CNTN5: variants seen among roughly 807,000 people sequenced by gnomAD.
CNTN5 encodes the protein contactin-5.
Under a neutral mutation model 129.1 loss-of-function variants are expected in CNTN5, and 77 were observed. That is an observed-to-expected ratio of 0.60 (90% confidence interval 0.50 to 0.72). The LOEUF (loss-of-function observed/expected upper bound fraction) is 0.72. CNTN5 is among the 30% of genes least tolerant of loss of function. The pLI is 0.00. For missense variants in CNTN5, 1,478 were observed against 1,328.8 expected (o/e 1.11, Z -1.75); for synonymous variants, 509 against 465.6 (o/e 1.09, Z -1.20).
intron 3 of CNTN5, among the ~76,000 whole-genome samples, chr11:99,680,251 G>A (rs1953492224): frequency 6.6e-6 from 1 of 152,130 alleles, no homozygotes; most frequent in African/African-American, 2.4e-5. Context: ...AGAAGAAGAT[G>A]CCATCTGGGA....
intron 1 of CNTN5, among the ~76,000 whole-genome samples, chr11:99,057,920 TAAAC>T (rs1490720980): frequency 3.3e-5 from 5 of 151,938 alleles, no homozygotes; most frequent in African/African-American, 1.2e-4. Flanking sequence ...AGGTTGTATT[TAAAC>T]AGACAGTGAG....
At chr11:99,174,296 C>T (rs1427784988) in intron 1 of CNTN5, among the ~76,000 whole-genome samples, 5 of 152,062 alleles carry the variant, frequency 3.3e-5, no homozygotes, top group African/African-American at 7.2e-5. Context: ...CTACGCCCAG[C>T]GAGAATGACT....
chr11:99,074,505 T>C (rs1198143617), intron 1 of CNTN5, among the ~76,000 whole-genome samples: 4 of 152,210 alleles, frequency 2.6e-5, no homozygotes, highest in Non-Finnish European at 4.4e-5. Flanking sequence ...AATATTTTTA[T>C]CTTTTTATTT....
At chr11:100,074,322 C>A (rs201964562) in intron 13 of CNTN5, 28 bp downstream of exon 13, 3 of 1,544,942 alleles carry the variant, frequency 1.9e-6, no homozygotes, top group Non-Finnish European at 2.6e-6. Flanking sequence ...AATTCAAGTT[C>A]AACATTAGAC....
chr11:99,610,966 C>G (rs1451661585), intron 3 of CNTN5, among the ~76,000 whole-genome samples: 2 of 152,116 alleles, frequency 1.3e-5, no homozygotes, highest in Admixed American at 1.3e-4. Context: ...GCGTGCACAC[C>G]AAAGCAAATC....
At chr11:99,961,622 C>T (rs1305406159) in intron 8 of CNTN5, among the ~76,000 whole-genome samples, 4 of 152,192 alleles carry the variant, frequency 2.6e-5, no homozygotes, top group East Asian at 1.9e-4. Flanking sequence ...GAAGACATAA[C>T]ACACTGAACA....
chr11:100,007,012 A>G (rs968335003), intron 9 of CNTN5, among the ~76,000 whole-genome samples: 11 of 152,088 alleles, frequency 7.2e-5, no homozygotes, highest in African/African-American at 2.7e-4. Context: ...GGGTAATGAG[A>G]TGCATTGTCA....
chr11:99,769,382 A>T (rs1944866801), intron 3 of CNTN5, among the ~76,000 whole-genome samples: 1 of 152,172 alleles, frequency 6.6e-6, no homozygotes, highest in East Asian at 1.9e-4. Context: ...AAAACTAGGG[A>T]ATACATAATC....
intron 1 of CNTN5, among the ~76,000 whole-genome samples, chr11:99,124,950 T>C (rs192667559): frequency 1.1e-4 from 16 of 151,644 alleles, no homozygotes; most frequent in Admixed American, 9.2e-4. Flanking sequence ...CAGTAATGAG[T>C]TCCAAAATTG....
chr11:99,408,910 T>G (rs900530387), intron 2 of CNTN5, among the ~76,000 whole-genome samples: 1 of 152,208 alleles, frequency 6.6e-6, no homozygotes, highest in African/African-American at 2.4e-5. Flanking sequence ...AAGATCATTT[T>G]AAATCATGTA....
intron 3 of CNTN5, among the ~76,000 whole-genome samples, chr11:99,794,672 T>C (rs2135452168): frequency 6.6e-6 from 1 of 152,304 alleles, no homozygotes; most frequent in African/African-American, 2.4e-5. Flanking sequence ...ATTTTTCCTT[T>C]GTTTATGATG....
chr11:99,719,435 G>A (rs960880310), intron 3 of CNTN5, among the ~76,000 whole-genome samples: 1 of 152,024 alleles, frequency 6.6e-6, no homozygotes, highest in Non-Finnish European at 1.5e-5. Flanking sequence ...GGAGTAAAAT[G>A]TATGCAAATT....
intron 2 of CNTN5, among the ~76,000 whole-genome samples, chr11:99,337,908 T>C (rs1033057412): frequency 6.6e-6 from 1 of 152,174 alleles, no homozygotes; most frequent in African/African-American, 2.4e-5. Context: ...CTAAATGTTG[T>C]TTTCTTTACT....
chr11:99,754,694 C>G (rs1173644434), intron 3 of CNTN5, among the ~76,000 whole-genome samples: 1 of 152,130 alleles, frequency 6.6e-6, no homozygotes, highest in Admixed American at 6.6e-5. Context: ...CACACAGAGC[C>G]TCCCTATCAT....
At chr11:100,175,435 A>T (rs2138425847) in intron 13 of CNTN5, among the ~76,000 whole-genome samples, 1 of 152,242 alleles carries the variant, frequency 6.6e-6, no homozygotes, top group African/African-American at 2.4e-5. Context: ...TTTTAACAAA[A>T]AAGGAATTTA....
chr11:100,144,381 C>T (rs1227713632), intron 13 of CNTN5, among the ~76,000 whole-genome samples: 1 of 152,090 alleles, frequency 6.6e-6, no homozygotes, highest in Non-Finnish European at 1.5e-5. Flanking sequence ...TGCTTTCCTT[C>T]CACTTTTTGG....
chr11:100,021,021 G>A (rs1380325856), intron 9 of CNTN5, among the ~76,000 whole-genome samples: 1 of 152,026 alleles, frequency 6.6e-6, no homozygotes, highest in African/African-American at 2.4e-5. Flanking sequence ...ATTCAATGCA[G>A]TCCCTATCAA....
intron 3 of CNTN5, among the ~76,000 whole-genome samples, chr11:99,785,984 T>A (rs1945506887): frequency 6.6e-6 from 1 of 151,990 alleles, no homozygotes; most frequent in Admixed American, 6.6e-5. Context: ...TATTCAGCAC[T>A]GTATTGGAAG....
chr11:99,357,181 A>G (rs1938734800), intron 2 of CNTN5, among the ~76,000 whole-genome samples: 1 of 151,866 alleles, frequency 6.6e-6, no homozygotes, highest in South Asian at 2.1e-4. Flanking sequence ...TTGAACTCAC[A>G]GATATGCGCT....
Sources: allele counts gnomAD v4.1 joint callset (sites outside exome capture counted in the v4.1 genomes callset), GRCh38; gene constraint gnomAD v4.1.1; transcripts MANE v1.5; gene names NCBI Gene and HGNC (gene_info 2026-07-23, HGNC 2026-07-21).